FHIT: variants seen among roughly 807,000 people sequenced by gnomAD.
FHIT encodes the protein fragile histidine triad diadenosine triphosphatase, also known as bis(5'-adenosyl)-triphosphatase.
Under a neutral mutation model 17.9 loss-of-function variants are expected in FHIT, and 19 were observed. The observed-to-expected ratio is 1.06, with a 90% CI of 0.74 to 1.56. The LOEUF is 1.56. Among genes scored for constraint, FHIT ranks in the 40% most tolerant of loss-of-function variants. The pLI is 0.00. For synonymous variants in FHIT, 81 were observed against 69.7 expected (o/e 1.16, Z -0.81); for missense variants, 248 against 189.2 (o/e 1.31, Z -1.82).
At chr3:61,141,524 G>A (rs1011002696) in intron 2 of FHIT, among the ~76,000 whole-genome samples, 38 of 144,308 alleles carry the variant, frequency 2.6e-4, no homozygotes, top group African/African-American at 9.0e-4. Context: ...TCATTTGAAA[G>A]TCAATACTAA....
intron 5 of FHIT, among the ~76,000 whole-genome samples, chr3:60,477,514 C>G (rs1181709637): frequency 2.6e-5 from 4 of 152,094 alleles, no homozygotes; most frequent in Non-Finnish European, 5.9e-5. Context: ...ACACTAACCA[C>G]ACTATGTAAT....
chr3:60,639,890 C>T (rs1577013673), intron 4 of FHIT, among the ~76,000 whole-genome samples: 2 of 152,080 alleles, frequency 1.3e-5, no homozygotes, highest in South Asian at 4.2e-4. Context: ...GTAAACAACC[C>T]CTATGTGAAC....
chr3:60,429,521 T>C lies in FHIT; in HGVS notation c.103+107339A>G, dbSNP rs1237716319. 2.0e-5 allele frequency among the ~76,000 whole-genome samples: 3 copies of C among 151,964 alleles called. 1 individual carries two copies. The South Asian group carries it at 6.2e-4, about 32-fold the overall frequency. On this transcript the variant is annotated intron_variant, in intron 5 of 9. Transcript: ENST00000492590. ...AAACAAAAGAAGTTCTAGATGGCCTTACCAGCTAGAGAACAAGCAAACCCT... is the reference window on the plus strand; with the variant it reads ...AAACAAAAGAAGTTCTAGATGGCCTCACCAGCTAGAGAACAAGCAAACCCT...
intron 5 of FHIT, among the ~76,000 whole-genome samples, chr3:60,260,619 T>C (rs1576384119): frequency 1.3e-5 from 2 of 152,160 alleles, no homozygotes; most frequent in East Asian, 3.9e-4. Context: ...TTCTTGTATC[T>C]GTCAGAGGTG....
At chr3:61,190,538 C>G (rs1327238117) in intron 2 of FHIT, among the ~76,000 whole-genome samples, 1 of 152,102 alleles carries the variant, frequency 6.6e-6, no homozygotes, top group African/African-American at 2.4e-5. Context: ...CCTCAGGGAT[C>G]TAGAACTAGA....
Position 61,215,347 on chromosome 3 carries a change from A to G in FHIT, c.-212-14682T>C, listed in dbSNP as rs535760834. Among the ~76,000 whole-genome samples, 6 of 152,230 alleles carry G rather than the reference A, an allele frequency of 3.9e-5. No individual in the cohort carries two copies. In the East Asian group the frequency reaches 9.7e-4, roughly 25 times the overall value. On this transcript the variant is annotated intron_variant, in intron 1 of 9. Transcript: ENST00000492590. Reference sequence around the variant, plus strand: ...ACAAAATCAATGTACAAAAATCACAAGCATTCTTATACACCAATAACAGAC... The same window carrying G: ...ACAAAATCAATGTACAAAAATCACAGGCATTCTTATACACCAATAACAGAC...
chr3:60,138,989 A>G (rs1458351042), intron 5 of FHIT, among the ~76,000 whole-genome samples: 2 of 152,172 alleles, frequency 1.3e-5, no homozygotes, highest in African/African-American at 2.4e-5. Context: ...CTGAGTGGCC[A>G]GGTACTGAAA....
chr3:60,878,472 G>T (rs1212927326), intron 3 of FHIT, among the ~76,000 whole-genome samples: 1 of 151,970 alleles, frequency 6.6e-6, no homozygotes. Flanking sequence ...AACCTATGTT[G>T]TCACTGCCAC....
intron 4 of FHIT, among the ~76,000 whole-genome samples, chr3:60,584,290 G>C (rs762844760): frequency 7.9e-5 from 12 of 151,952 alleles, no homozygotes; most frequent in African/African-American, 1.2e-4. Context: ...TACAAATTAG[G>C]CTTTTTTTCC....
intron 5 of FHIT, among the ~76,000 whole-genome samples, chr3:60,231,941 G>A (rs1342284759): frequency 3.3e-5 from 5 of 152,140 alleles, no homozygotes; most frequent in Admixed American, 3.3e-4. Context: ...GCTTCCAGGA[G>A]ACAGGGAGCA....
At chr3:59,858,804 G>A (rs538009530) in intron 8 of FHIT, among the ~76,000 whole-genome samples, 6 of 152,114 alleles carry the variant, frequency 3.9e-5, no homozygotes, top group African/African-American at 1.4e-4. Flanking sequence ...TGTCAGAGAA[G>A]GTATTTATAA....
At chr3:60,539,005 A>G (rs1409818589) in intron 4 of FHIT, among the ~76,000 whole-genome samples, 1 of 152,126 alleles carries the variant, frequency 6.6e-6, no homozygotes, top group Non-Finnish European at 1.5e-5. Flanking sequence ...TGAACAGGCA[A>G]CCTACAGAAT....
intron 4 of FHIT, among the ~76,000 whole-genome samples, chr3:60,804,071 G>T (rs1701296286): frequency 6.6e-6 from 1 of 152,182 alleles, no homozygotes; most frequent in Non-Finnish European, 1.5e-5. Flanking sequence ...CACTAAGAAT[G>T]TAACCCCGGA....
intron 7 of FHIT, among the ~76,000 whole-genome samples, chr3:59,947,198 T>C (rs551949518): frequency 6.6e-6 from 1 of 152,318 alleles, no homozygotes; most frequent in East Asian, 1.9e-4. Context: ...GAAATGTTAT[T>C]GGTCTGTCCA....
intron 4 of FHIT, among the ~76,000 whole-genome samples, chr3:60,731,135 A>G (rs2042020717): frequency 6.6e-6 from 1 of 152,042 alleles, no homozygotes. Context: ...TGTCTCAAAA[A>G]TAAATAAATA....
In FHIT at chr3:59,978,246, G is replaced by C. The variant is rs115986702; in HGVS notation, c.279+33125C>G. Among the ~76,000 whole-genome samples the C allele has an allele frequency of 5.3e-5, 8 of 152,122 alleles. No homozygotes were observed. The Middle Eastern group carries it at 0.02, about 388-fold the overall frequency. ...TTCCAAAGCCTGTATGTTTTTACTCGCTAAAGTTTGTGGTCTTGGCCAGCA... is the reference window on the plus strand; with the variant it reads ...TTCCAAAGCCTGTATGTTTTTACTCCCTAAAGTTTGTGGTCTTGGCCAGCA... On this transcript the variant is annotated intron_variant, in intron 7 of 9. Coordinates refer to ENST00000492590, the MANE Select transcript of FHIT (RefSeq NM_002012.4).
intron 5 of FHIT, among the ~76,000 whole-genome samples, chr3:60,114,488 C>CTTTTTTTTTTTTTTTTTTTTT (rs145618938): frequency 5.0e-5 from 3 of 59,486 alleles, no homozygotes; most frequent in Admixed American, 2.2e-4. Flanking sequence ...CAAGAGAAAT[C>CTTTTTTTTTTTTTTTTTTTTT]CTTTTTTTTT....
chr3:59,757,410 G>T (rs1701273366), intron 8 of FHIT, among the ~76,000 whole-genome samples: 1 of 152,200 alleles, frequency 6.6e-6, no homozygotes, highest in Non-Finnish European at 1.5e-5. Flanking sequence ...TCTGACTGAA[G>T]AACTGATACG....
chr3:60,113,298 T>C (rs188716574), intron 5 of FHIT, among the ~76,000 whole-genome samples: 9 of 152,216 alleles, frequency 5.9e-5, no homozygotes, highest in African/African-American at 1.7e-4. Context: ...TTCAATAAAT[T>C]GTTTAATGCA....
Sources: gnomAD v4.1 joint callset for allele counts (sites outside exome capture counted in the v4.1 genomes callset) on GRCh38, gnomAD v4.1.1 for gene constraint, MANE v1.5 for transcripts, NCBI Gene and HGNC (gene_info 2026-07-23, HGNC 2026-07-21) for gene names.